DMGDH: variants seen among roughly 807,000 people sequenced by gnomAD.
The protein encoded by DMGDH is dimethylglycine dehydrogenase, also known as dimethylglycine dehydrogenase, mitochondrial.
In DMGDH, 76 loss-of-function variants were observed where a neutral mutation model predicts 95.2. The ratio of observed to expected loss-of-function variants is 0.80; its 90% CI spans 0.66 to 0.97. The LOEUF is 0.97. Among genes scored for constraint, DMGDH ranks in the 50% least tolerant of loss-of-function variants. DMGDH has a pLI of 0.00. For synonymous variants in DMGDH, 345 were observed against 377.6 expected (o/e 0.91, Z 1.00); for missense variants, 987 against 1,055.0 (o/e 0.94, Z 0.89).
At chr5:79,018,119 C>T (rs1219484503) in intron 14 of DMGDH, among the ~76,000 whole-genome samples, 1 of 152,208 alleles carries the variant, frequency 6.6e-6, no homozygotes, top group Non-Finnish European at 1.5e-5. Context: ...ACAAACATGA[C>T]TCACTGCAGC....
rs190119569 is a variant in DMGDH, at chr5:79,020,715, C to T, written c.2250+3556G>A. 183 of 980,638 alleles carry T rather than the reference C, an allele frequency of 1.9e-4. No individual in the cohort carries two copies. In the African/African-American group the frequency reaches 3.2e-3, roughly 17 times the overall value. The allele number at this position is 980,638 out of a possible 1,614,324, so 60.7% of individuals were successfully genotyped here. ...TTATTCTGTTTCTACTAGTTAGAAG[C>T]TCTACACGGGGAGAGAGGGGAAGGA... On this transcript the variant is annotated intron_variant, in intron 14 of 15. Coordinates refer to ENST00000255189, the MANE Select transcript of DMGDH (RefSeq NM_013391.3).
At chr5:79,018,804 G>A (rs775633967) in intron 14 of DMGDH, among the ~76,000 whole-genome samples, 6 of 152,026 alleles carry the variant, frequency 3.9e-5, no homozygotes, top group Non-Finnish European at 5.9e-5. Flanking sequence ...CAGCTCTTAG[G>A]GTAGAAACAA....
chr5:79,034,710 C>G, intron 7 of DMGDH, among the ~76,000 whole-genome samples: 1 of 152,102 alleles, frequency 6.6e-6, no homozygotes, highest in South Asian at 2.1e-4. Flanking sequence ...CTAACTTTTC[C>G]CACAACAAGA....
chr5:79,032,634 C>T (rs945829751), intron 9 of DMGDH, 53 bp downstream of exon 9: 1 of 1,611,830 alleles, frequency 6.2e-7, no homozygotes, highest in Admixed American at 1.7e-5. Context: ...TTTTGCTGTC[C>T]CGTTGTTTCA....
At position 79,030,914 on chromosome 5, in the gene DMGDH, T is replaced by C. The variant is rs1220978566; in HGVS notation, c.1602A>G (p.Leu534=). The C allele has an allele frequency of 6.2e-7, 1 of 1,614,078 alleles. No individual in the cohort carries two copies. Among genetic ancestry groups the C allele is most frequent in the African/African-American group, 1.3e-5 (1 of 74,938 alleles). ...QVMQRVAVTD[L]SPFGKFNIKG... ...TGATGTTAAACTTGCCAAATGGTGA[T>C]AGGTCAGTTACCGCTACTCTTTGCA... The change falls in exon 10 of 16, where the codon CTA becomes CTG. Residue 534 remains leucine (L), a synonymous_variant. Coordinates refer to ENST00000255189, the MANE Select transcript of DMGDH (RefSeq NM_013391.3).
Position 78,997,866 on chromosome 5 carries a change from A to G in DMGDH, c.*216T>C. ...GTAAATAAAAAAACATTCATTTCAA[A>G]TTTCTTCATTTAAAAGAACAATGTA... On this transcript the variant is annotated 3_prime_UTR_variant, in exon 16 of 16. Coordinates refer to ENST00000255189, the MANE Select transcript of DMGDH (RefSeq NM_013391.3). 1.7e-6 allele frequency: 1 copy of G among 583,776 alleles called. No homozygotes were observed. The highest frequency in any genetic ancestry group is 3.0e-6 in the Non-Finnish European group (1 of 334,138). The allele number at this position is 583,776 out of a possible 1,614,324, so 36.2% of individuals were successfully genotyped here.
At chr5:79,030,647 CAAAAAAAAAAAAA>C (rs59687681) in intron 10 of DMGDH, 173 bp downstream of exon 10, 1 of 354,978 alleles carries the variant, frequency 2.8e-6, no homozygotes, top group Non-Finnish European at 4.7e-6. Context: ...CTCTGTCTCT[CAAAAAAAAAAAAA>C]AAAAAAGAAA....
At chr5:79,000,239 G>C in intron 15 of DMGDH, 1 of 632,596 alleles carries the variant, frequency 1.6e-6, no homozygotes, top group Non-Finnish European at 3.1e-6. Flanking sequence ...CCATACCAGC[G>C]TGATACCACC....
chr5:79,034,853 C>T (rs1199248502), intron 7 of DMGDH, among the ~76,000 whole-genome samples: 1 of 151,750 alleles, frequency 6.6e-6, no homozygotes, highest in African/African-American at 2.4e-5. Flanking sequence ...GTCAGGAGAT[C>T]GAGACCATCT....
intron 14 of DMGDH, among the ~76,000 whole-genome samples, chr5:79,018,872 G>A (rs1464530992): frequency 1.3e-5 from 2 of 152,162 alleles, no homozygotes; most frequent in Non-Finnish European, 2.9e-5. Context: ...AATGGCTTTA[G>A]TTTAATGTAT....
At chr5:79,048,695 C>T (rs1197149790) in intron 5 of DMGDH, among the ~76,000 whole-genome samples, 1 of 152,004 alleles carries the variant, frequency 6.6e-6, no homozygotes, top group Non-Finnish European at 1.5e-5. Flanking sequence ...CTGAGGCTTA[C>T]CCTTTGGGGA....
At chr5:79,022,943 A>G (rs893398942) in intron 14 of DMGDH, among the ~76,000 whole-genome samples, 5 of 152,212 alleles carry the variant, frequency 3.3e-5, no homozygotes, top group Non-Finnish European at 7.3e-5. Flanking sequence ...CAGAGGGAGC[A>G]ATCTGCTGCT....
chr5:79,068,632 A>C (rs1287744246), intron 1 of DMGDH, among the ~76,000 whole-genome samples: 1 of 152,246 alleles, frequency 6.6e-6, no homozygotes, highest in Non-Finnish European at 1.5e-5. Context: ...ATTTCAGGTC[A>C]TAGGACATAA....
At chr5:79,028,766 G>A in intron 11 of DMGDH, 116 bp from the exon 12 acceptor site, 2 of 1,131,436 alleles carry the variant, frequency 1.8e-6, no homozygotes, top group Non-Finnish European at 2.6e-6. Flanking sequence ...TCCCCAGAGT[G>A]TCATTTCATG....
intron 2 of DMGDH, among the ~76,000 whole-genome samples, chr5:79,063,015 C>CT (rs1755255259): frequency 6.6e-6 from 1 of 152,068 alleles, no homozygotes; most frequent in African/African-American, 2.4e-5. Context: ...TCGCTTGAAC[C>CT]TGGGAGGCGG....
chr5:79,038,421 T>A (rs1431490206), intron 7 of DMGDH, among the ~76,000 whole-genome samples: 1 of 151,948 alleles, frequency 6.6e-6, no homozygotes, highest in Non-Finnish European at 1.5e-5. Flanking sequence ...GAGGTGGAGG[T>A]TGCAGTCAGA....
chr5:79,061,205 T>G (rs1755197725), intron 2 of DMGDH, among the ~76,000 whole-genome samples: 1 of 139,764 alleles, frequency 7.2e-6, no homozygotes, highest in Non-Finnish European at 1.5e-5. Context: ...GGTGACAGAG[T>G]GAAACTCTGT....
At chr5:79,053,549 T>C (rs1321850923) in intron 4 of DMGDH, among the ~76,000 whole-genome samples, 2 of 149,778 alleles carry the variant, frequency 1.3e-5, no homozygotes, top group Non-Finnish European at 2.9e-5. Flanking sequence ...ATACGTGCCA[T>C]GAAATTATGC....
chr5:79,036,204 T>C (rs116630198), intron 7 of DMGDH, among the ~76,000 whole-genome samples: 4,731 of 152,328 alleles, frequency 0.031, 107 homozygotes, highest in Admixed American at 0.054. Context: ...ATGGTGGCTA[T>C]TGGGCCCTTG....
Sources: allele counts gnomAD v4.1 joint callset (sites outside exome capture counted in the v4.1 genomes callset), GRCh38; gene constraint gnomAD v4.1.1; transcripts MANE v1.5; gene names NCBI Gene and HGNC (gene_info 2026-07-23, HGNC 2026-07-21).